Variants in ADGRG6 observed in about 807,000 individuals in gnomAD.
ADGRG6 encodes the protein adhesion G protein-coupled receptor G6.
ADGRG6 carries 84 observed loss-of-function variants against 142.4 expected under a neutral mutation model. The ratio of observed to expected loss-of-function variants is 0.59; its 90% CI spans 0.49 to 0.71. The LOEUF is 0.71. Among genes scored for constraint, ADGRG6 ranks in the 30% least tolerant of loss-of-function variants. ADGRG6 has a pLI of 0.00. For missense variants in ADGRG6, 1,367 were observed against 1,466.6 expected, an observed-to-expected ratio of 0.93 and a Z score of 1.11; for synonymous variants, 521 against 520.5, an observed-to-expected ratio of 1.00 and a Z score of -0.01.
chr6:142,384,080 A>G (rs983368816), intron 6 of ADGRG6, among the ~76,000 whole-genome samples: 32 of 152,026 alleles, frequency 2.1e-4, no homozygotes, highest in Admixed American at 5.9e-4. Flanking sequence ...TTTAGCCAAA[A>G]TTTTTTTCAA....
At chr6:142,340,687 C>T (rs79235349) in intron 2 of ADGRG6, among the ~76,000 whole-genome samples, 1,793 of 152,146 alleles carry the variant, frequency 0.012, 38 homozygotes, top group African/African-American at 0.04. Context: ...CTGAGAGAGA[C>T]ATTCTTGTCC....
intron 2 of ADGRG6, among the ~76,000 whole-genome samples, chr6:142,362,284 T>C (rs1780762755): frequency 6.6e-6 from 1 of 152,200 alleles, no homozygotes; most frequent in African/African-American, 2.4e-5. Context: ...GCTTAAGTCG[T>C]TGAAGTAGCT....
At chr6:142,302,445 A>T (rs908491887) in intron 1 of ADGRG6, 114 bp downstream of exon 1, 3 of 1,119,342 alleles carry the variant, frequency 2.7e-6, no homozygotes, top group Non-Finnish European at 2.6e-6. Flanking sequence ...AAGGACTTCA[A>T]CTGCACGGAG....
intron 14 of ADGRG6, among the ~76,000 whole-genome samples, chr6:142,404,721 G>A (rs1025718094): frequency 3.9e-5 from 6 of 152,130 alleles, no homozygotes; most frequent in African/African-American, 1.4e-4. Context: ...TACTCCAGGA[G>A]TTTCTGATTT....
chr6:142,354,361 T>C (rs1232032860), intron 2 of ADGRG6, among the ~76,000 whole-genome samples: 1 of 152,156 alleles, frequency 6.6e-6, no homozygotes, highest in Non-Finnish European at 1.5e-5. Flanking sequence ...CTAGCTTGGG[T>C]GACAGAGCGA....
At chr6:142,380,020 C>G (rs1043260807) in intron 4 of ADGRG6, among the ~76,000 whole-genome samples, 1 of 151,964 alleles carries the variant, frequency 6.6e-6, no homozygotes, top group South Asian at 2.1e-4. Context: ...TGGGACAACT[C>G]AAAGTAGTGG....
intron 22 of ADGRG6, among the ~76,000 whole-genome samples, chr6:142,427,939 G>A (rs1383462053): frequency 1.3e-5 from 2 of 152,176 alleles, no homozygotes; most frequent in African/African-American, 4.8e-5. Flanking sequence ...CTCACGGTGT[G>A]TGAGAATTGT....
At chr6:142,358,012 A>G (rs1780536070) in intron 2 of ADGRG6, among the ~76,000 whole-genome samples, 2 of 152,230 alleles carry the variant, frequency 1.3e-5, no homozygotes, top group South Asian at 4.1e-4. Flanking sequence ...TTATATAGAT[A>G]TCTCATTGGC....
chr6:142,341,562 T>C (rs1779643753), intron 2 of ADGRG6, among the ~76,000 whole-genome samples: 2 of 122,792 alleles, frequency 1.6e-5, no homozygotes, highest in African/African-American at 3.2e-5. Context: ...GTATATATAC[T>C]ATATAATATT....
At chr6:142,395,635 A>G (rs1363606530) in intron 9 of ADGRG6, among the ~76,000 whole-genome samples, 2 of 152,188 alleles carry the variant, frequency 1.3e-5, no homozygotes, top group Non-Finnish European at 2.9e-5. Flanking sequence ...GGGAGAATGA[A>G]CTGAGACAGT....
intron 22 of ADGRG6, among the ~76,000 whole-genome samples, chr6:142,427,744 A>T (rs1777018354): frequency 6.6e-6 from 1 of 152,224 alleles, no homozygotes; most frequent in Non-Finnish European, 1.5e-5. Context: ...GAAGCCTCAC[A>T]ATCAGGGCGG....
In ADGRG6 at chr6:142,409,928, TA is replaced by T; in HGVS notation, c.2434+13del. 1 of 1,364,656 alleles carries T rather than the reference TA, an allele frequency of 7.3e-7. No homozygotes were observed. The highest frequency in any genetic ancestry group is 1.9e-5 in the Admixed American group (1 of 52,628). 84.5% of individuals were successfully genotyped at this position (1,364,656 alleles called of 1,614,324 possible). A position where few individuals can be genotyped will look rare whatever the true frequency, so the allele number is the denominator to read the frequency against. ...GGATCTGAACAAAAACAGTAAGTTT[TA>T]AAATATTGGTTGTCTTAATATAGAT... On this transcript the variant is annotated intron_variant, in intron 17 of 24. Coordinates refer to ENST00000367609, the MANE Select transcript of ADGRG6 (RefSeq NM_198569.3).
chr6:142,370,875 C>T (rs757289841), intron 4 of ADGRG6, 82 bp downstream of exon 4: 1 of 1,315,600 alleles, frequency 7.6e-7, no homozygotes, highest in Non-Finnish European at 1.1e-6. Context: ...ATTATACATA[C>T]ACACAAATGT....
chr6:142,393,530 G>C (rs966559409), intron 8 of ADGRG6, among the ~76,000 whole-genome samples: 1 of 152,032 alleles, frequency 6.6e-6, no homozygotes, highest in African/African-American at 2.4e-5. Context: ...ACCTGAACTA[G>C]TTTTCTAAAG....
Position 142,397,738 on chromosome 6 carries a change from T to C in ADGRG6, c.1550T>C (p.Val517Ala). The C allele has an allele frequency of 6.3e-7, 1 of 1,579,486 alleles. No homozygotes were observed. The highest frequency in any genetic ancestry group is 8.6e-7 in the Non-Finnish European group (1 of 1,167,002). Residue 517 changes from valine to alanine, a missense_variant, in exon 10 of 25, where the codon GTG becomes GCG. Transcript: ENST00000367609. The stretch of plus-strand genomic sequence containing the variant: ...GATGAAGGCTTGAGGCTACATACAG[T>C]GAATGTGAGACAACTGGGTAAGTGA... Reference protein sequence around the residue: ...SLDEGLRLHTVNVRQLGHCLA... With the variant: ...SLDEGLRLHTANVRQLGHCLA...
intron 18 of ADGRG6, among the ~76,000 whole-genome samples, chr6:142,414,288 G>A (rs547074520): frequency 6.6e-6 from 1 of 152,216 alleles, no homozygotes; most frequent in East Asian, 1.9e-4. Flanking sequence ...ACACTGGAAA[G>A]TATTTACTTC....
intron 2 of ADGRG6, among the ~76,000 whole-genome samples, chr6:142,329,854 T>G (rs1277344246): frequency 6.6e-6 from 1 of 152,162 alleles, no homozygotes; most frequent in Non-Finnish European, 1.5e-5. Context: ...GTCACATATC[T>G]GCCACTTATA....
intron 20 of ADGRG6, among the ~76,000 whole-genome samples, chr6:142,416,783 A>T (rs1259404880): frequency 6.6e-6 from 1 of 152,204 alleles, no homozygotes; most frequent in Admixed American, 6.6e-5. Context: ...ATACATGGAA[A>T]TACTTTATTC....
intron 2 of ADGRG6, among the ~76,000 whole-genome samples, chr6:142,317,515 A>G (rs941386978): frequency 1.3e-5 from 2 of 150,694 alleles, no homozygotes; most frequent in African/African-American, 4.9e-5. Context: ...TATGTTTAAC[A>G]TTTGTGAGAG....
Sources: allele counts gnomAD v4.1 joint callset (sites outside exome capture counted in the v4.1 genomes callset), GRCh38; gene constraint gnomAD v4.1.1; transcripts MANE v1.5; gene names NCBI Gene and HGNC (gene_info 2026-07-23, HGNC 2026-07-21).